The following SLC44A5 variants were observed in gnomAD, a reference collection of about 807,000 sequenced individuals.
The protein encoded by SLC44A5 is choline transporter-like protein 5.
SLC44A5 carries 57 observed loss-of-function variants against 101.8 expected under a neutral mutation model. The observed-to-expected ratio is 0.56, with a 90% CI of 0.45 to 0.70. The LOEUF (loss-of-function observed/expected upper bound fraction) is 0.70, where lower values mean the gene tolerates loss of function less well. Ranked by LOEUF, SLC44A5 falls within the 30% of genes least tolerant of loss-of-function variation. SLC44A5 has a pLI of 0.00. For synonymous variants in SLC44A5, 281 were observed against 290.9 expected, an observed-to-expected ratio of 0.97 and a Z score of 0.35; for missense variants, 737 against 853.1, an observed-to-expected ratio of 0.86 and a Z score of 1.70.
chr1:75,261,381 C>T (rs1449831749), intron 6 of SLC44A5, among the ~76,000 whole-genome samples: 1 of 152,112 alleles, frequency 6.6e-6, no homozygotes, highest in Non-Finnish European at 1.5e-5. Context: ...CCAGAGAATA[C>T]TGTAAACACC....
chr1:75,340,142 A>G (rs1003383540), intron 3 of SLC44A5, among the ~76,000 whole-genome samples: 13 of 152,192 alleles, frequency 8.5e-5, no homozygotes, highest in African/African-American at 2.7e-4. Context: ...TTAATGTTCT[A>G]TTATAAAAAC....
At chr1:75,544,597 G>C (rs543960045) in intron 1 of SLC44A5, among the ~76,000 whole-genome samples, 2 of 152,224 alleles carry the variant, frequency 1.3e-5, no homozygotes, top group East Asian at 3.9e-4. Flanking sequence ...AAATACTTCA[G>C]TGTTCATTTC....
At position 75,378,881 on chromosome 1, in the gene SLC44A5, G is replaced by A. The variant is rs1462180772; in HGVS notation, c.52+17702C>T. Reference sequence around the variant, plus strand: ...TCGGCCACCCCCAGAAAGTCAGTATGGATATCCAGGAATGCCCCCAGCACC... The same window carrying A: ...TCGGCCACCCCCAGAAAGTCAGTATAGATATCCAGGAATGCCCCCAGCACC... On this transcript the variant is annotated intron_variant, in intron 3 of 23. Transcript: ENST00000370859. Among the ~76,000 whole-genome samples the A allele has an allele frequency of 4.9e-5, 4 of 82,260 alleles. 2 individuals carry two copies. The East Asian group carries it at 0.012, about 241-fold the overall frequency. The allele number at this position is 82,260 out of a possible 152,430, so 54.0% of individuals were successfully genotyped here. A position where few individuals can be genotyped will look rare whatever the true frequency, so the allele number is the denominator to read the frequency against.
chr1:75,218,900 C>A, intron 16 of SLC44A5, 148 bp from the exon 17 acceptor site: 1 of 723,578 alleles, frequency 1.4e-6, no homozygotes, highest in Admixed American at 2.9e-5. Flanking sequence ...TGTTATATCA[C>A]TTTATATAAT....
chr1:75,210,117 G>A (rs1646824334), intron 23 of SLC44A5, among the ~76,000 whole-genome samples: 1 of 151,800 alleles, frequency 6.6e-6, no homozygotes, highest in Non-Finnish European at 1.5e-5. Flanking sequence ...CACTATCATA[G>A]CTCACTGCAG....
intron 3 of SLC44A5, among the ~76,000 whole-genome samples, chr1:75,342,945 C>T (rs1426372314): frequency 6.6e-6 from 1 of 152,102 alleles, no homozygotes; most frequent in Non-Finnish European, 1.5e-5. Context: ...TCACCCTGCC[C>T]CCATGTGCTG....
At chr1:75,417,865 T>C (rs745635295) in intron 2 of SLC44A5, among the ~76,000 whole-genome samples, 2 of 152,192 alleles carry the variant, frequency 1.3e-5, no homozygotes, top group Non-Finnish European at 2.9e-5. Context: ...CTAAGAGGCA[T>C]GTGGAAAACT....
chr1:75,712,794 CT>C, the SLC44A5 span, among the ~76,000 whole-genome samples: 3 of 148,338 alleles, frequency 2.0e-5, no homozygotes, highest in Admixed American at 1.3e-4. Context: ...ATTCAATCAT[CT>C]TTTTTTCTAT....
intron 6 of SLC44A5, among the ~76,000 whole-genome samples, chr1:75,259,554 T>C (rs991324361): frequency 1.3e-5 from 2 of 152,242 alleles, no homozygotes; most frequent in African/African-American, 2.4e-5. Flanking sequence ...ATATGTTTGA[T>C]TGGTGTACCT....
At position 75,219,825 on chromosome 1, in the gene SLC44A5, T is replaced by C. The variant is rs1229751447; in HGVS notation, c.1153A>G (p.Ile385Val). 6.2e-7 allele frequency: 1 copy of C among 1,612,694 alleles called. No homozygotes were observed. Among genetic ancestry groups the C allele is most frequent in the Non-Finnish European group, 8.5e-7 (1 of 1,179,214 alleles). The change falls in exon 15 of 24, where the codon ATT (isoleucine) becomes GTT (valine). Residue 385 changes from isoleucine to valine, a missense_variant. Transcript: ENST00000370859. Reference protein sequence around the residue: ...ALTFILLSICICYWVVTAVFL... With the variant: ...ALTFILLSICVCYWVVTAVFL... ...ACTGCTGTCACGACCCAGTAGCAAA[T>C]GCAGATTGAGAGCAAAATGAAAGTT...
At chr1:75,536,600 C>CAAA (rs1192432333) in intron 2 of SLC44A5, among the ~76,000 whole-genome samples, 3 of 32,340 alleles carry the variant, frequency 9.3e-5, no homozygotes, top group African/African-American at 2.4e-4. Context: ...GACTCCATCT[C>CAAA]AAAAAAAAAA....
At chr1:75,716,503 C>CTTA in the SLC44A5 span, among the ~76,000 whole-genome samples, 1 of 152,110 alleles carries the variant, frequency 6.6e-6, no homozygotes, top group Admixed American at 6.5e-5. Flanking sequence ...AAAGGGAATG[C>CTTA]TTATACACTG....
chr1:75,308,613 T>G (rs779611087), intron 4 of SLC44A5, among the ~76,000 whole-genome samples: 24 of 151,782 alleles, frequency 1.6e-4, no homozygotes, highest in Non-Finnish European at 2.6e-4. Flanking sequence ...GGTGGGGCAT[T>G]GTAGACCAAA....
At chr1:75,317,335 G>A (rs1283238493) in intron 4 of SLC44A5, among the ~76,000 whole-genome samples, 2 of 152,192 alleles carry the variant, frequency 1.3e-5, no homozygotes, top group Non-Finnish European at 2.9e-5. Context: ...CCCCACACAT[G>A]AGTGAGAAGG....
At chr1:75,308,554 C>T (rs767788416) in intron 4 of SLC44A5, among the ~76,000 whole-genome samples, 1 of 152,130 alleles carries the variant, frequency 6.6e-6, no homozygotes, top group Non-Finnish European at 1.5e-5. Flanking sequence ...AACCACTCTG[C>T]AAATGCTAAT....
At chr1:75,696,890 GA>G in the SLC44A5 span, among the ~76,000 whole-genome samples, 1,087 of 141,214 alleles carry the variant, frequency 7.7e-3, 15 homozygotes, top group Admixed American at 0.039. Context: ...CTCTGTCTCA[GA>G]AAAAAAAAAA....
chr1:75,361,919 A>G (rs1309394094), intron 3 of SLC44A5, among the ~76,000 whole-genome samples: 1 of 151,924 alleles, frequency 6.6e-6, no homozygotes. Flanking sequence ...GTGAAGAATC[A>G]GTATTAGTTT....
intron 2 of SLC44A5, among the ~76,000 whole-genome samples, chr1:75,403,960 T>A (rs910977963): frequency 3.3e-5 from 5 of 152,056 alleles, no homozygotes; most frequent in African/African-American, 1.2e-4. Flanking sequence ...GCAAAAAAGT[T>A]AGAGGAATTG....
At chr1:75,615,432 T>TACACACACACACACACACAC (rs776361396), upstream of SLC44A5, among the ~76,000 whole-genome samples, 11 of 77,054 alleles carry the variant, frequency 1.4e-4, no homozygotes, top group South Asian at 5.3e-4. Context: ...CACACACACA[T>TACACACACACACACACACAC]ACATACACAC....
Sources: allele counts gnomAD v4.1 joint callset (sites outside exome capture counted in the v4.1 genomes callset), GRCh38; gene constraint gnomAD v4.1.1; transcripts MANE v1.5; gene names NCBI Gene and HGNC (gene_info 2026-07-23, HGNC 2026-07-21).